DST: variants seen among roughly 807,000 people sequenced by gnomAD.
DST encodes bullous pemphigoid antigen.
Under a neutral mutation model 875.2 loss-of-function variants are expected in DST, and 253 were observed. The observed-to-expected ratio is 0.29, with a 90% CI of 0.26 to 0.32. DST has a LOEUF of 0.32. Ranked by LOEUF, DST falls within the 10% of genes least tolerant of loss-of-function variation. DST has a pLI of 1.00. For missense variants in DST, 8,287 were observed against 9,111.6 expected, an observed-to-expected ratio of 0.91 and a Z score of 3.68; for synonymous variants, 3,124 against 3,197.1, an observed-to-expected ratio of 0.98 and a Z score of 0.77.
rs1183534890 is a variant in DST at position 56,605,123 on chromosome 6, ACTC to A, written c.9502_9504del (p.Glu3168del). The A allele has an allele frequency of 6.2e-7, 1 of 1,612,458 alleles. No individual in the cohort carries two copies. Among genetic ancestry groups the A allele is most frequent in the Non-Finnish European group, 8.5e-7 (1 of 1,179,234 alleles). On this transcript the variant is annotated inframe_deletion, in exon 40 of 104. Transcript: ENST00000680361. ...TCTTTCTCAGGTCCATCAGTGAATG[ACTC>A]CTCAAAATGTGTATTCCCTTCCCAC...
chr6:56,735,423 T>C lies in DST; in HGVS notation c.626-134A>G, dbSNP rs1342469184. On this transcript the variant is annotated intron_variant, in intron 4 of 103. Transcript: ENST00000680361. ...TGTATTCAAAGTTTCTTGTTAAATT[T>C]TGGCAACTTCAGGCTATCTGTAAGA... The C allele has an allele frequency of 3.5e-5, 23 of 653,042 alleles. No individual in the cohort carries two copies. The East Asian group carries it at 6.7e-4, about 19-fold the overall frequency. 40.5% of individuals were successfully genotyped at this position (653,042 alleles called of 1,614,324 possible). A position where few individuals can be genotyped will look rare whatever the true frequency, so the allele number is the denominator to read the frequency against.
intron 80 of DST, among the ~76,000 whole-genome samples, chr6:56,500,381 A>C (rs1368656270): frequency 1.1e-4 from 17 of 152,180 alleles, no homozygotes; most frequent in Non-Finnish European, 2.4e-4. Context: ...AAGTGTCACA[A>C]AGGTGACAAC....
chr6:56,841,900 C>T (rs1310673425), intron 4 of DST, among the ~76,000 whole-genome samples: 1 of 152,072 alleles, frequency 6.6e-6, no homozygotes, highest in Non-Finnish European at 1.5e-5. Flanking sequence ...TATCACTGCA[C>T]TTGCTCAGTG....
chr6:56,561,020 A>G (rs1205106077), intron 57 of DST, among the ~76,000 whole-genome samples: 1 of 152,214 alleles, frequency 6.6e-6, no homozygotes, highest in African/African-American at 2.4e-5. Context: ...AATCTTTTCC[A>G]GTAGTTGACT....
chr6:56,833,818 G>A (rs1047509020), intron 4 of DST, among the ~76,000 whole-genome samples: 5 of 152,042 alleles, frequency 3.3e-5, no homozygotes, highest in African/African-American at 4.8e-5. Flanking sequence ...GGTGTCAAAA[G>A]GAGGTAATGG....
intron 10 of DST, among the ~76,000 whole-genome samples, chr6:56,670,133 C>CATGTGTGT (rs1554600648): frequency 2.1e-5 from 3 of 146,198 alleles, no homozygotes; most frequent in African/African-American, 2.5e-5. Context: ...AGCGCCCGTG[C>CATGTGTGT]GTGTGTGTGT....
At chr6:56,730,225 T>A (rs2099491935) in intron 5 of DST, among the ~76,000 whole-genome samples, 1 of 152,102 alleles carries the variant, frequency 6.6e-6, no homozygotes, top group Admixed American at 6.6e-5. Flanking sequence ...AAATCATTTA[T>A]CCCCTTAAAC....
At chr6:56,873,017 C>A (rs1778082089) in intron 3 of DST, among the ~76,000 whole-genome samples, 1 of 152,022 alleles carries the variant, frequency 6.6e-6, no homozygotes, top group Non-Finnish European at 1.5e-5. Context: ...CTGTTATTTT[C>A]TTTTTGATAA....
intron 61 of DST, among the ~76,000 whole-genome samples, chr6:56,539,521 C>T (rs1291803979): frequency 6.6e-6 from 1 of 152,114 alleles, no homozygotes; most frequent in Non-Finnish European, 1.5e-5. Flanking sequence ...GCCTTTCCCC[C>T]TAATCTAACC....
chr6:56,536,173 T>C (rs769210117), intron 62 of DST, among the ~76,000 whole-genome samples: 4 of 152,190 alleles, frequency 2.6e-5, no homozygotes, highest in Non-Finnish European at 5.9e-5. Flanking sequence ...GTCAGCATTA[T>C]CTCCCTAAGA....
chr6:56,886,358 A>G (rs1350174428), intron 3 of DST, among the ~76,000 whole-genome samples: 2 of 152,222 alleles, frequency 1.3e-5, no homozygotes, highest in African/African-American at 2.4e-5. Context: ...AGTTTTGTCA[A>G]ACTGGATCAA....
At chr6:56,729,975 G>A (rs1171994644) in intron 5 of DST, among the ~76,000 whole-genome samples, 1 of 152,130 alleles carries the variant, frequency 6.6e-6, no homozygotes, top group Non-Finnish European at 1.5e-5. Context: ...AACAGAGTGT[G>A]TCCAACAATG....
intron 13 of DST, 68 bp from the exon 14 acceptor site, chr6:56,646,250 C>T: frequency 3.4e-6 from 3 of 880,898 alleles, no homozygotes; most frequent in South Asian, 1.8e-5. Flanking sequence ...CTCACTAAGC[C>T]ACCACTTCAA....
intron 15 of DST, 30 bp downstream of exon 15, chr6:56,645,836 T>C (rs770818767): frequency 1.2e-6 from 2 of 1,606,052 alleles, no homozygotes; most frequent in South Asian, 2.2e-5. Flanking sequence ...CCCCACTTGA[T>C]ATTCATGGCA....
intron 4 of DST, among the ~76,000 whole-genome samples, chr6:56,777,081 T>G (rs1032368483): frequency 6.6e-6 from 1 of 151,362 alleles, no homozygotes; most frequent in African/African-American, 2.5e-5. Context: ...CTCATCTTCA[T>G]GCAGAGACAA....
chr6:56,568,518 T>G lies in DST; in HGVS notation c.13956A>C (p.Leu4652Phe), dbSNP rs1361273933. ...TTGCAGGGGTGGTCACAGCACTTATTAAGTTACATAGTGAGATCCCACTGT... is the reference window on the plus strand; with the variant it reads ...TTGCAGGGGTGGTCACAGCACTTATGAAGTTACATAGTGAGATCCCACTGT... The part of the protein sequence containing the change: ...VNNSGISLCN[L>F]ISAVTTPAKA... The change falls in exon 55 of 104, where the codon TTA becomes TTC. Residue 4652 changes from leucine to phenylalanine, a missense_variant. Leu to Phe is a conservative substitution (Grantham distance 22). This residue lies in a region of DST where 1,513 missense variants were observed against 1,677.8 expected (regional missense o/e 0.90). Coordinates refer to ENST00000680361, the MANE Select transcript of DST (RefSeq NM_001374736.1). 14 of 1,612,600 alleles carry G rather than the reference T, an allele frequency of 8.7e-6. No homozygotes were observed. The highest frequency in any genetic ancestry group is 1.2e-5 in the Non-Finnish European group (14 of 1,179,382).
At chr6:56,482,632 G>T in intron 89 of DST, 51 bp downstream of exon 89, 1 of 1,560,362 alleles carries the variant, frequency 6.4e-7, no homozygotes, top group Non-Finnish European at 8.7e-7. Context: ...TTCTTGTTGA[G>T]GTTTCAATAC....
chr6:56,769,747 G>C (rs894363740), intron 4 of DST, among the ~76,000 whole-genome samples: 1 of 152,132 alleles, frequency 6.6e-6, no homozygotes, highest in African/African-American at 2.4e-5. Flanking sequence ...AGCCCGGGAG[G>C]TCAAGGCTGC....
intron 4 of DST, among the ~76,000 whole-genome samples, chr6:56,796,488 T>A (rs1304289724): frequency 1.3e-5 from 2 of 152,056 alleles, no homozygotes; most frequent in Non-Finnish European, 2.9e-5. Context: ...GGAAATCCAA[T>A]ACACAGGGCA....
Sources: allele counts gnomAD v4.1 joint callset (sites outside exome capture counted in the v4.1 genomes callset), GRCh38; gene constraint gnomAD v4.1.1; regional missense constraint gnomAD v4.1.1; transcripts MANE v1.5; gene names NCBI Gene and HGNC (gene_info 2026-07-23, HGNC 2026-07-21).